Variants in SORCS1 observed in about 807,000 individuals in gnomAD.
SORCS1 encodes the protein sortilin related VPS10 domain containing receptor 1, also known as VPS10 domain-containing receptor SorCS1.
A neutral mutation model predicts 146.1 loss-of-function variants in SORCS1; 60 were observed. The observed-to-expected ratio is 0.41, with a 90% CI of 0.33 to 0.51. The LOEUF is 0.51. Ranked by LOEUF, SORCS1 falls within the 20% of genes least tolerant of loss-of-function variation. SORCS1 has a pLI of 0.21. For synonymous variants in SORCS1, 637 were observed against 584.0 expected (o/e 1.09, Z -1.31); for missense variants, 1,352 against 1,487.6 (o/e 0.91, Z 1.50).
chr10:106,614,963 T>G (rs1296990096), intron 21 of SORCS1, among the ~76,000 whole-genome samples: 1 of 152,230 alleles, frequency 6.6e-6, no homozygotes. Context: ...ATTTTCTTTC[T>G]TTTAATTGAT....
chr10:106,669,571 G>A (rs1032299305), intron 16 of SORCS1, among the ~76,000 whole-genome samples: 7 of 152,196 alleles, frequency 4.6e-5, no homozygotes, highest in East Asian at 3.8e-4. Flanking sequence ...AGTTTTCCCT[G>A]TGAATGCATT....
intron 3 of SORCS1, among the ~76,000 whole-genome samples, chr10:106,797,347 T>C (rs1489701027): frequency 1.3e-5 from 2 of 152,090 alleles, no homozygotes; most frequent in Non-Finnish European, 2.9e-5. Context: ...TTTTCAAATA[T>C]ATCATTTGCC....
chr10:106,657,272 T>C (rs1850369512), intron 17 of SORCS1, among the ~76,000 whole-genome samples: 2 of 152,050 alleles, frequency 1.3e-5, no homozygotes, highest in African/African-American at 4.8e-5. Context: ...TACTACTCAG[T>C]CATAAAAAAA....
intron 2 of SORCS1, among the ~76,000 whole-genome samples, chr10:106,849,940 C>CGTTCTCA (rs1382563093): frequency 6.6e-6 from 1 of 151,926 alleles, no homozygotes; most frequent in Non-Finnish European, 1.5e-5. Flanking sequence ...GCAGTCTGCC[C>CGTTCTCA]GTTCTCAGAT....
At chr10:107,158,151 A>G (rs1018012003) in intron 1 of SORCS1, among the ~76,000 whole-genome samples, 1 of 152,210 alleles carries the variant, frequency 6.6e-6, no homozygotes, top group African/African-American at 2.4e-5. Context: ...AAATGAAACA[A>G]TGATGACTCC....
chr10:106,791,251 T>C (rs1014659887), intron 3 of SORCS1, among the ~76,000 whole-genome samples: 1 of 152,248 alleles, frequency 6.6e-6, no homozygotes, highest in Admixed American at 6.5e-5. Context: ...GGTGATATAG[T>C]ATTGATTGTA....
intron 1 of SORCS1, among the ~76,000 whole-genome samples, chr10:107,092,653 G>C (rs1029820374): frequency 5.3e-5 from 8 of 152,094 alleles, no homozygotes; most frequent in African/African-American, 1.9e-4. Context: ...TAAGAACTAA[G>C]CAACCTGCTG....
intron 2 of SORCS1, among the ~76,000 whole-genome samples, chr10:106,929,630 T>C (rs1249235197): frequency 2.0e-5 from 3 of 152,170 alleles, no homozygotes; most frequent in Admixed American, 2.0e-4. Flanking sequence ...TTTCCCTCCA[T>C]TGTTTTAGTA....
At chr10:106,825,527 C>A (rs1236199543) in intron 3 of SORCS1, among the ~76,000 whole-genome samples, 3 of 151,972 alleles carry the variant, frequency 2.0e-5, no homozygotes, top group African/African-American at 4.8e-5. Context: ...CCGCCTCGGC[C>A]TCCCATAGTG....
chr10:107,178,297 C>G, the SORCS1 span, among the ~76,000 whole-genome samples: 1 of 152,104 alleles, frequency 6.6e-6, no homozygotes, highest in Non-Finnish European at 1.5e-5. Context: ...TGCCTGTCAC[C>G]CTTCCTAGCC....
intron 1 of SORCS1, among the ~76,000 whole-genome samples, chr10:107,021,142 C>CTG (rs1007976218): frequency 3.3e-5 from 5 of 151,966 alleles, no homozygotes; most frequent in Admixed American, 6.6e-5. Context: ...TAAATGCAAA[C>CTG]TGTGTGTGTG....
chr10:106,679,897 C>T (rs1405322676), intron 10 of SORCS1, among the ~76,000 whole-genome samples, 163 bp from the exon 11 acceptor site: 1 of 152,150 alleles, frequency 6.6e-6, no homozygotes, highest in Non-Finnish European at 1.5e-5. Context: ...CATCTTCCAT[C>T]CCCCAAATAT....
intron 1 of SORCS1, among the ~76,000 whole-genome samples, chr10:107,119,395 G>A (rs1221756073): frequency 1.3e-5 from 2 of 152,146 alleles, no homozygotes; most frequent in African/African-American, 4.8e-5. Flanking sequence ...TGTATATAAG[G>A]GTTGCATTTC....
chr10:106,688,414 G>C, intron 9 of SORCS1, 76 bp from the exon 10 acceptor site: 1 of 1,527,680 alleles, frequency 6.5e-7, no homozygotes, highest in Non-Finnish European at 8.8e-7. Flanking sequence ...AAAAAAAGAA[G>C]GCTGTCAAAG....
the SORCS1 span, among the ~76,000 whole-genome samples, chr10:107,175,888 T>A: frequency 6.6e-6 from 1 of 152,254 alleles, no homozygotes; most frequent in Non-Finnish European, 1.5e-5. Context: ...ATTAATGTCC[T>A]CTTCTTGATT....
intron 2 of SORCS1, among the ~76,000 whole-genome samples, chr10:106,955,303 G>A (rs1027839272): frequency 3.9e-5 from 6 of 152,358 alleles, no homozygotes; most frequent in South Asian, 2.1e-4. Context: ...CGCCCAAGGC[G>A]GAGGCCCCTT....
At chr10:106,632,007 T>G (rs1848470261) in intron 18 of SORCS1, among the ~76,000 whole-genome samples, 2 of 152,226 alleles carry the variant, frequency 1.3e-5, no homozygotes, top group Non-Finnish European at 2.9e-5. Flanking sequence ...ATGTTTGGAC[T>G]AGGGCATTAG....
chr10:106,921,989 C>T (rs1176097237), intron 2 of SORCS1, among the ~76,000 whole-genome samples: 2 of 152,154 alleles, frequency 1.3e-5, no homozygotes, highest in Non-Finnish European at 2.9e-5. Context: ...GAAATCCCCT[C>T]TGATCTGCTG....
At chr10:107,027,287 G>A (rs988087245) in intron 1 of SORCS1, among the ~76,000 whole-genome samples, 6 of 151,994 alleles carry the variant, frequency 3.9e-5, no homozygotes, top group African/African-American at 1.4e-4. Context: ...CCTGGATAAT[G>A]ATGTTGTTAG....
Sources: allele counts gnomAD v4.1 joint callset (sites outside exome capture counted in the v4.1 genomes callset), GRCh38; gene constraint gnomAD v4.1.1; transcripts MANE v1.5; gene names NCBI Gene and HGNC (gene_info 2026-07-23, HGNC 2026-07-21).